Variants in PIP observed in about 807,000 individuals in gnomAD.
PIP encodes prolactin-inducible protein.
In PIP, 9 loss-of-function variants were observed where a neutral mutation model predicts 12.8. The observed-to-expected ratio is 0.70, with a 90% CI of 0.42 to 1.23. PIP has a LOEUF of 1.23. Among genes scored for constraint, PIP ranks in the 50% most tolerant of loss-of-function variants. The pLI is 0.00. For missense variants in PIP, 172 were observed against 179.5 expected, an observed-to-expected ratio of 0.96 and a Z score of 0.24; for synonymous variants, 60 against 66.1, an observed-to-expected ratio of 0.91 and a Z score of 0.45.
rs772703475 is a variant in PIP, at chr7:143,139,190, G to T, written c.316+1G>T. ...TTCTACTGGGACTTTTACACCAACA[G>T]TAAGTACAGAAGTTGTCCAAGGAGG... On this transcript the variant is annotated splice_donor_variant, in intron 3 of 3. Coordinates refer to ENST00000291009, the MANE Select transcript of PIP (RefSeq NM_002652.3). LOFTEE classifies it high-confidence loss of function. 6.6e-7 allele frequency: 1 copy of T among 1,511,186 alleles called. No homozygotes were observed. Among genetic ancestry groups the T allele is most frequent in the Non-Finnish European group, 9.2e-7 (1 of 1,085,680 alleles). 93.6% of individuals were successfully genotyped at this position (1,511,186 alleles called of 1,614,324 possible). A position where few individuals can be genotyped will look rare whatever the true frequency, so the allele number is the denominator to read the frequency against.
intron 2 of PIP, among the ~76,000 whole-genome samples, chr7:143,137,954 G>A (rs761958373): frequency 4.0e-5 from 6 of 151,242 alleles, no homozygotes; most frequent in African/African-American, 9.7e-5. Context: ...CCAAAGAAAC[G>A]CCAGGATTCT....
At chr7:143,135,457 G>A (rs1160084328) in intron 2 of PIP, among the ~76,000 whole-genome samples, 158 bp downstream of exon 2, 1 of 152,082 alleles carries the variant, frequency 6.6e-6, no homozygotes, top group Non-Finnish European at 1.5e-5. Flanking sequence ...GGGAGCTTGG[G>A]ACAGATGACT....
In PIP at chr7:143,135,264, C is replaced by T. The variant is rs780464098; in HGVS notation, c.166C>T (p.Leu56Phe). 8 of 1,596,950 alleles carry T rather than the reference C, an allele frequency of 5.0e-6. No individual in the cohort carries two copies. Among genetic ancestry groups the T allele is most frequent in the African/African-American group, 4.0e-5 (3 of 74,728 alleles). The change falls in exon 2 of 4, where the codon CTT becomes TTT. Residue 56 changes from leucine to phenylalanine, a missense_variant. Transcript: ENST00000291009. Reference protein sequence around the residue: ...VRPNDEVTAVLAVQTELKECM... With the variant: ...VRPNDEVTAVFAVQTELKECM... ...TCCAAATGACGAAGTCACTGCAGTGCTTGCAGTTCAAACAGAATTGAAAGA... is the reference window on the plus strand; with the variant it reads ...TCCAAATGACGAAGTCACTGCAGTGTTTGCAGTTCAAACAGAATTGAAAGA...
chr7:143,139,606 C>A lies in PIP; in HGVS notation c.405C>A (p.Asn135Lys). ...CTGCTGTAATCCCCATCAAAAACAACCGGTTTTATACTATTGAAATCCTAA... is the reference window on the plus strand; with the variant it reads ...CTGCTGTAATCCCCATCAAAAACAAACGGTTTTATACTATTGAAATCCTAA... ...DDAAVIPIKN[N>K]RFYTIEILKV... Residue 135 changes from asparagine (N) to lysine (K), a missense_variant, in exon 4 of 4, where the codon AAC becomes AAA. By Grantham distance (94) the Asn-to-Lys change is moderately conservative (BLOSUM62 0). Transcript: ENST00000291009. 1 of 1,612,658 alleles carries A rather than the reference C, an allele frequency of 6.2e-7. No homozygotes were observed.
intron 1 of PIP, among the ~76,000 whole-genome samples, chr7:143,133,920 C>T (rs1341960636): frequency 6.6e-6 from 1 of 151,304 alleles, no homozygotes; most frequent in Non-Finnish European, 1.5e-5. Flanking sequence ...ACCCATCACC[C>T]GAGCAGTATA....
chr7:143,135,069 T>C (rs1254096241), intron 1 of PIP, 125 bp from the exon 2 acceptor site: 2 of 520,030 alleles, frequency 3.8e-6, no homozygotes, highest in South Asian at 3.1e-5. Context: ...TGCTGAACAA[T>C]TGATCCAAGC....
At position 143,137,048 on chromosome 7, in the gene PIP, T is replaced by G. The variant is rs543340858; in HGVS notation, c.201+1749T>G. On this transcript the variant is annotated intron_variant, in intron 2 of 3. Coordinates refer to ENST00000291009, the MANE Select transcript of PIP (RefSeq NM_002652.3). ...TATCATTTATAATGTTTTCTGTAAC[T>G]GAATTTTTGAAAAAGTGAGGTTTAG... Among the ~76,000 whole-genome samples the G allele has an allele frequency of 4.6e-4, 70 of 152,014 alleles. 1 individual carries two copies. The highest frequency in any genetic ancestry group is 6.9e-4 in the Non-Finnish European group (47 of 67,926).
At chr7:143,132,865 G>T (rs2116564916) in intron 1 of PIP, among the ~76,000 whole-genome samples, 1 of 152,182 alleles carries the variant, frequency 6.6e-6, no homozygotes, top group East Asian at 1.9e-4. Context: ...GGAGCCAAGG[G>T]TCTGGGAGAA....
chr7:143,139,048 T>A (rs745839189), intron 2 of PIP, 27 bp from the exon 3 acceptor site: 1 of 1,099,276 alleles, frequency 9.1e-7, no homozygotes, highest in Non-Finnish European at 1.4e-6. Context: ...TAACAATGAA[T>A]TCCCCCTCCC....
chr7:143,139,260 C>T, intron 3 of PIP, 71 bp downstream of exon 3: 1 of 970,170 alleles, frequency 1.0e-6, no homozygotes, highest in Non-Finnish European at 1.7e-6. Flanking sequence ...TAAACAGAAA[C>T]ATGGCTGCGA....
At position 143,132,128 on chromosome 7, in the gene PIP, C is replaced by G; in HGVS notation, c.12C>G (p.Leu4=). 1 of 1,612,676 alleles carries G rather than the reference C, an allele frequency of 6.2e-7. No homozygotes were observed. Among genetic ancestry groups the G allele is most frequent in the Non-Finnish European group, 8.5e-7 (1 of 1,178,736 alleles). Reference sequence around the variant, plus strand: ...CTGTTTTCTCCAGCATGCGCTTGCTCCAGCTCCTGTTCAGGGCCAGCCCTG... The same window carrying G: ...CTGTTTTCTCCAGCATGCGCTTGCTGCAGCTCCTGTTCAGGGCCAGCCCTG... MRL[L]QLLFRASPAT... The change falls in exon 1 of 4, where the codon CTC becomes CTG. Residue 4 remains leucine, a synonymous_variant. Transcript: ENST00000291009.
chr7:143,134,183 CATATATATATATATATAT>C (rs60656573), intron 1 of PIP, among the ~76,000 whole-genome samples: 6,514 of 41,648 alleles, frequency 0.16, 401 homozygotes, highest in Non-Finnish European at 0.17. Flanking sequence ...AGTATTCCAT[CATATATATATATATATAT>C]ATATATATAT....
chr7:143,135,854 C>T (rs939797243), intron 2 of PIP, among the ~76,000 whole-genome samples: 1 of 152,092 alleles, frequency 6.6e-6, no homozygotes, highest in African/African-American at 2.4e-5. Context: ...ATCATCTCCT[C>T]CTTTTCCCCA....
chr7:143,134,233 T>TAC (rs1799279819), intron 1 of PIP, among the ~76,000 whole-genome samples: 1 of 86,384 alleles, frequency 1.2e-5, no homozygotes, highest in African/African-American at 4.6e-5. Flanking sequence ...TATATATATA[T>TAC]ACCACAGTTT....
chr7:143,139,568 T>C lies in PIP; in HGVS notation c.367T>C (p.Cys123Arg). Reference sequence around the variant, plus strand: ...TGATGTTATTCGGGAATTAGGCATCTGCCCTGATGATGCTGCTGTAATCCC... The same window carrying C: ...TGATGTTATTCGGGAATTAGGCATCCGCCCTGATGATGCTGCTGTAATCCC... ...VVDVIRELGI[C>R]PDDAAVIPIK... The change falls in exon 4 of 4, where the codon TGC (cysteine) becomes CGC (arginine). Residue 123 changes from cysteine to arginine, a missense_variant. By Grantham distance (180) the Cys-to-Arg change is radical. Coordinates refer to ENST00000291009, the MANE Select transcript of PIP (RefSeq NM_002652.3). 10 of 1,611,564 alleles carry C rather than the reference T, an allele frequency of 6.2e-6. No homozygotes were observed. The highest frequency in any genetic ancestry group is 8.5e-6 in the Non-Finnish European group (10 of 1,177,646).
intron 2 of PIP, among the ~76,000 whole-genome samples, chr7:143,138,061 C>A (rs1406737949): frequency 2.0e-5 from 3 of 152,006 alleles, no homozygotes; most frequent in African/African-American, 4.8e-5. Flanking sequence ...GGTAGCTGAG[C>A]AAGCTGCAGG....
chr7:143,138,146 A>G (rs9986765), intron 2 of PIP, among the ~76,000 whole-genome samples: 18,312 of 152,042 alleles, frequency 0.12, 1,735 homozygotes, highest in African/African-American at 0.25. Context: ...TCAAGGTAGT[A>G]CATTCAGGCT....
At chr7:143,139,338 G>C (rs1364009201) in intron 3 of PIP, 149 bp downstream of exon 3, 3 of 840,796 alleles carry the variant, frequency 3.6e-6, no homozygotes, top group African/African-American at 3.4e-5. Context: ...GGGGAGAGCA[G>C]ATGGGGAAAG....
intron 3 of PIP, 21 bp from the exon 4 acceptor site, chr7:143,139,497 C>T (rs373629541): frequency 1.2e-6 from 2 of 1,612,544 alleles, no homozygotes; most frequent in African/African-American, 1.3e-5. Flanking sequence ...GAGAGATGAT[C>T]TCCGTCCCTG....
Sources: allele counts gnomAD v4.1 joint callset (sites outside exome capture counted in the v4.1 genomes callset), GRCh38; gene constraint gnomAD v4.1.1; transcripts MANE v1.5; gene names NCBI Gene and HGNC (gene_info 2026-07-23, HGNC 2026-07-21).